Variants in FAM149B1 observed in about 807,000 individuals in gnomAD.
The protein encoded by FAM149B1 is primary cilium assembly protein FAM149B1.
A neutral mutation model predicts 75.3 loss-of-function variants in FAM149B1; 56 were observed. That is an observed-to-expected ratio of 0.74 (90% CI 0.60 to 0.93). The LOEUF (loss-of-function observed/expected upper bound fraction) is 0.93. Among genes scored for constraint, FAM149B1 ranks in the 40% least tolerant of loss-of-function variants. The pLI, the probability that FAM149B1 is intolerant of heterozygous loss-of-function variation, is 0.00. For missense variants in FAM149B1, 639 were observed against 708.4 expected, an observed-to-expected ratio of 0.90 and a Z score of 1.11; for synonymous variants, 259 against 256.1, an observed-to-expected ratio of 1.01 and a Z score of -0.11.
intron 5 of FAM149B1, among the ~76,000 whole-genome samples, chr10:73,194,662 C>CTT (rs113859832): frequency 5.2e-4 from 76 of 147,148 alleles, no homozygotes; most frequent in African/African-American, 1.9e-3. Context: ...CGCACCCAGA[C>CTT]TTTTTTTTTT....
chr10:73,189,206 T>C (rs1391415521), intron 3 of FAM149B1, among the ~76,000 whole-genome samples: 1 of 152,146 alleles, frequency 6.6e-6, no homozygotes. Context: ...CCACTCCACA[T>C]TTACAAAAAT....
intron 7 of FAM149B1, among the ~76,000 whole-genome samples, chr10:73,219,291 C>T (rs956191546): frequency 3.3e-5 from 5 of 152,062 alleles, no homozygotes; most frequent in Non-Finnish European, 5.9e-5. Flanking sequence ...CCCATGTTTA[C>T]GGAGTTGAAG....
intron 7 of FAM149B1, among the ~76,000 whole-genome samples, chr10:73,217,027 GT>G (rs1335850341): frequency 6.6e-6 from 1 of 152,190 alleles, no homozygotes; most frequent in East Asian, 1.9e-4. Flanking sequence ...CTGTAGATTA[GT>G]TTGCATTTTG....
intron 7 of FAM149B1, among the ~76,000 whole-genome samples, chr10:73,222,864 G>GA (rs539258722): frequency 0.014 from 2,110 of 151,654 alleles, 18 homozygotes; most frequent in Non-Finnish European, 0.024. Flanking sequence ...GAGTAAAAGG[G>GA]AAAAAAAAGT....
chr10:73,239,082 A>G, intron 12 of FAM149B1: 1 of 452,388 alleles, frequency 2.2e-6, no homozygotes, highest in Non-Finnish European at 4.0e-6. Context: ...TTAACGGCAT[A>G]GTAATAATAT....
chr10:73,216,781 T>G (rs1225155621), intron 7 of FAM149B1, among the ~76,000 whole-genome samples: 2 of 152,218 alleles, frequency 1.3e-5, no homozygotes, highest in African/African-American at 4.8e-5. Flanking sequence ...TATTAAATTC[T>G]GAAAATGCAC....
At chr10:73,204,771 C>CTTTTTTTT (rs772508767) in intron 5 of FAM149B1, among the ~76,000 whole-genome samples, 10 of 92,938 alleles carry the variant, frequency 1.1e-4, no homozygotes, top group African/African-American at 1.8e-4. Flanking sequence ...TGTGATTATT[C>CTTTTTTTT]TTTTTTTTTT....
chr10:73,168,151 G>T lies in FAM149B1; in HGVS notation c.-189G>T, dbSNP rs1843527412. ...CCCCCGCGGCAAAGCAGGGAGGTCG[G>T]AGGACTGGAGAGGTGGGGACCCTGG... On this transcript the variant is annotated 5_prime_UTR_variant, in exon 1 of 14. Coordinates refer to ENST00000242505, the MANE Select transcript of FAM149B1 (RefSeq NM_173348.2). 2 of 602,450 alleles carry T rather than the reference G, an allele frequency of 3.3e-6. No homozygotes were observed. Among genetic ancestry groups the T allele is most frequent in the Non-Finnish European group, 5.7e-6 (2 of 349,052 alleles). 37.3% of individuals were successfully genotyped at this position (602,450 alleles called of 1,614,324 possible).
chr10:73,168,361 A>G lies in FAM149B1; in HGVS notation c.22A>G (p.Lys8Glu). 5 of 1,550,014 alleles carry G rather than the reference A, an allele frequency of 3.2e-6. No individual in the cohort carries two copies. Among genetic ancestry groups the G allele is most frequent in the Non-Finnish European group, 4.4e-6 (5 of 1,146,856 alleles). Residue 8 changes from lysine to glutamate, a missense_variant, in exon 1 of 14, where the codon AAG (lysine) becomes GAG (glutamate). Transcript: ENST00000242505. ...GAGGATGATCTCCAGATACACTCGG[A>G]AGGCGGTGCCACAGAGCTTGGAGCT... is the stretch of plus-strand genomic sequence containing the variant. MISRYTR[K>E]AVPQSLELKG...
rs188911651 is a variant in FAM149B1 at position 73,240,932 on chromosome 10, A to G, written c.1676-14A>G. On this transcript the variant is annotated splice_polypyrimidine_tract_variant and intron_variant, in intron 13 of 13. Transcript: ENST00000242505. ...CTAGACTGTCTACTAATGTTACTCT[A>G]TGTCATCTGACAGGTCCTCAGTTAC... is the stretch of plus-strand genomic sequence containing the variant. 33 of 1,473,310 alleles carry G rather than the reference A, an allele frequency of 2.2e-5. No individual in the cohort carries two copies. In the East Asian group the frequency reaches 6.0e-4, roughly 27 times the overall value. 91.3% of individuals were successfully genotyped at this position (1,473,310 alleles called of 1,614,324 possible). A position where few individuals can be genotyped will look rare whatever the true frequency, so the allele number is the denominator to read the frequency against.
chr10:73,219,374 A>C (rs1233276228), intron 7 of FAM149B1, among the ~76,000 whole-genome samples: 4 of 152,198 alleles, frequency 2.6e-5, no homozygotes, highest in African/African-American at 9.6e-5. Flanking sequence ...TCAAAATTCC[A>C]GCTGCCTTTT....
intron 5 of FAM149B1, chr10:73,201,083 G>T: frequency 3.6e-6 from 1 of 277,998 alleles, no homozygotes; most frequent in South Asian, 4.7e-5. Context: ...TGTATTCGCA[G>T]AATTGGCAGA....
At chr10:73,226,700 G>C (rs572846768) in intron 7 of FAM149B1, among the ~76,000 whole-genome samples, 8 of 152,314 alleles carry the variant, frequency 5.3e-5, no homozygotes, top group Admixed American at 5.2e-4. Context: ...ATATAGAGTA[G>C]TTCCTGTAAT....
At chr10:73,239,177 A>T in intron 12 of FAM149B1, 135 bp from the exon 13 acceptor site, 1 of 655,832 alleles carries the variant, frequency 1.5e-6, no homozygotes. Flanking sequence ...CAGTGCACTC[A>T]GCTGACTTTT....
chr10:73,230,375 G>C (rs747590949), intron 8 of FAM149B1, 47 bp from the exon 9 acceptor site: 6 of 1,013,926 alleles, frequency 5.9e-6, no homozygotes, highest in East Asian at 5.2e-5. Context: ...AACCAAACAG[G>C]TATCTTCTCC....
chr10:73,208,867 A>G (rs962991415), intron 6 of FAM149B1, 81 bp downstream of exon 6: 12 of 836,408 alleles, frequency 1.4e-5, no homozygotes, highest in Non-Finnish European at 2.0e-5. Flanking sequence ...GATGCTACCA[A>G]TGTATATTAT....
At chr10:73,208,564 A>G (rs539415154) in intron 5 of FAM149B1, 55 bp from the exon 6 acceptor site, 139 of 1,286,160 alleles carry the variant, frequency 1.1e-4, no homozygotes, top group Admixed American at 2.8e-4. Flanking sequence ...CTGTGTTGCC[A>G]TAAGAACTGT....
chr10:73,243,479 A>G lies in FAM149B1; in HGVS notation c.*2460A>G. 6.2e-7 allele frequency: 1 copy of G among 1,614,164 alleles called. No individual in the cohort carries two copies. The highest frequency in any genetic ancestry group is 8.5e-7 in the Non-Finnish European group (1 of 1,180,024). On this transcript the variant is annotated 3_prime_UTR_variant, in exon 14 of 14. Transcript: ENST00000242505. ...GCAGTACTTTGCTTCCATCTGAGCC[A>G]GAAAATTGTCCATTTCCTTTTGCCG...
rs2043962284 is a variant in FAM149B1 at position 73,242,178 on chromosome 10, C to T, written c.*1159C>T. 1 of 152,098 alleles carries T rather than the reference C, an allele frequency of 6.6e-6. No homozygotes were observed. Among genetic ancestry groups the T allele is most frequent in the South Asian group, 2.1e-4 (1 of 4,828 alleles). The allele number at this position is 152,098 out of a possible 1,614,324, so 9.4% of individuals were successfully genotyped here. ...TAATAAAATTAAAATCTATTTTTAA[C>T]CTATTTGTAGTCACAAACCGAAAAC... On this transcript the variant is annotated 3_prime_UTR_variant, in exon 14 of 14. Coordinates refer to ENST00000242505, the MANE Select transcript of FAM149B1 (RefSeq NM_173348.2).
Sources: gnomAD v4.1 joint callset for allele counts (sites outside exome capture counted in the v4.1 genomes callset) on GRCh38, gnomAD v4.1.1 for gene constraint, MANE v1.5 for transcripts, NCBI Gene and HGNC (gene_info 2026-07-23, HGNC 2026-07-21) for gene names.